Variants in ABL1 observed in about 807,000 individuals in gnomAD.
ABL1 encodes the protein ABL proto-oncogene 1, non-receptor tyrosine kinase.
ABL1 carries 11 observed loss-of-function variants against 94.7 expected under a neutral mutation model. The ratio of observed to expected loss-of-function variants is 0.12; its 90% CI spans 0.07 to 0.19. The LOEUF (loss-of-function observed/expected upper bound fraction) is 0.19. Among genes scored for constraint, ABL1 ranks in the 10% least tolerant of loss-of-function variants. The probability of loss-of-function intolerance (pLI) is 1.00; values close to 1 mark genes in which losing one functional copy is unlikely to be tolerated. For synonymous variants in ABL1, 656 were observed against 622.4 expected (o/e 1.05, Z -0.80); for missense variants, 1,082 against 1,489.4 (o/e 0.73, Z 4.50).
At chr9:130,789,053 G>C (rs938193961) in intron 1 of ABL1, among the ~76,000 whole-genome samples, 1 of 152,058 alleles carries the variant, frequency 6.6e-6, no homozygotes, top group Admixed American at 6.5e-5. Flanking sequence ...AAAGCAATCT[G>C]TGGGGAGACA....
chr9:130,812,914 ATTT>A (rs956373712), intron 1 of ABL1, among the ~76,000 whole-genome samples: 3 of 152,230 alleles, frequency 2.0e-5, no homozygotes, highest in African/African-American at 7.2e-5. Flanking sequence ...TTTCTGGGCC[ATTT>A]TAAAAGCCTC....
intron 1 of ABL1, among the ~76,000 whole-genome samples, chr9:130,743,841 G>C (rs951303828): frequency 1.3e-5 from 2 of 152,214 alleles, no homozygotes. Flanking sequence ...GGGAACAAGA[G>C]GGGTGAGCCA....
At chr9:130,776,889 G>A (rs1252877557) in intron 1 of ABL1, among the ~76,000 whole-genome samples, 1 of 152,080 alleles carries the variant, frequency 6.6e-6, no homozygotes, top group Non-Finnish European at 1.5e-5. Context: ...ACCATGCCTG[G>A]CCTCTTTACT....
intron 1 of ABL1, among the ~76,000 whole-genome samples, chr9:130,796,940 A>T (rs1372409050): frequency 7.1e-6 from 1 of 141,726 alleles, no homozygotes; most frequent in African/African-American, 2.7e-5. Flanking sequence ...AAAAAAAAAA[A>T]AGGCACTTTT....
chr9:130,858,240 C>T (rs1419998180), intron 3 of ABL1, among the ~76,000 whole-genome samples: 1 of 151,770 alleles, frequency 6.6e-6, no homozygotes, highest in Non-Finnish European at 1.5e-5. Context: ...TTCAAATGGG[C>T]AAGGAAAGGC....
At chr9:130,790,333 C>T (rs1369524058) in intron 1 of ABL1, among the ~76,000 whole-genome samples, 1 of 152,202 alleles carries the variant, frequency 6.6e-6, no homozygotes, top group Non-Finnish European at 1.5e-5. Flanking sequence ...CTGTGAGGGG[C>T]CTCATGCACA....
In ABL1 at chr9:130,871,532, T is replaced by A. The variant is rs34523074; in HGVS notation, c.823-597T>A. 6.9e-3 allele frequency among the ~76,000 whole-genome samples: 1,046 copies of A among 152,340 alleles called. 4 individuals are homozygous for A. The highest frequency in any genetic ancestry group is 0.01 in the Admixed American group (158 of 15,310). ...GAGGATTATTTTAGACTGTGAGTAA[T>A]TGACCTGACAGACAGTGATGACTGC... On this transcript the variant is annotated intron_variant, in intron 4 of 10. Transcript: ENST00000318560.
chr9:130,751,805 C>T (rs199896669), intron 1 of ABL1, among the ~76,000 whole-genome samples: 14 of 152,220 alleles, frequency 9.2e-5, no homozygotes, highest in East Asian at 5.8e-4. Context: ...CCCACAGCAA[C>T]GGCAGAAGCA....
intron 1 of ABL1, among the ~76,000 whole-genome samples, chr9:130,778,426 C>T (rs1042478615): frequency 1.3e-5 from 2 of 152,214 alleles, no homozygotes; most frequent in Non-Finnish European, 2.9e-5. Context: ...TCAGAGAAGA[C>T]CCCTCCTTGC....
intron 1 of ABL1, among the ~76,000 whole-genome samples, chr9:130,800,543 C>T (rs1454245467): frequency 6.6e-6 from 1 of 152,078 alleles, no homozygotes; most frequent in African/African-American, 2.4e-5. Context: ...TGGATTCCTT[C>T]CCTCAGCCTC....
chr9:130,759,240 A>G (rs1832080160), intron 1 of ABL1, among the ~76,000 whole-genome samples: 1 of 152,140 alleles, frequency 6.6e-6, no homozygotes, highest in Non-Finnish European at 1.5e-5. Flanking sequence ...AACTTCTTTT[A>G]TGGTTGTAAG....
chr9:130,881,769 G>T (rs1831457680), intron 10 of ABL1, among the ~76,000 whole-genome samples: 1 of 151,928 alleles, frequency 6.6e-6, no homozygotes, highest in Non-Finnish European at 1.5e-5. Context: ...CTGCAGACTG[G>T]GTACATGTGA....
At chr9:130,733,575 C>CTTTTTTTTT (rs35185474) in intron 1 of ABL1, among the ~76,000 whole-genome samples, 1 of 103,220 alleles carries the variant, frequency 9.7e-6, no homozygotes, top group Non-Finnish European at 1.8e-5. Flanking sequence ...CTGTAAAGCA[C>CTTTTTTTTT]TTTTTTTTTT....
chr9:130,869,867 C>G (rs996518278), intron 4 of ABL1, among the ~76,000 whole-genome samples: 5 of 152,184 alleles, frequency 3.3e-5, no homozygotes, highest in Admixed American at 2.0e-4. Context: ...CTCTGTCGCC[C>G]AGGCTGAAGT....
In ABL1 at chr9:130,879,378, T is replaced by C. The variant is rs376570460; in HGVS notation, c.1424-690T>C. Among the ~76,000 whole-genome samples, 13 of 152,352 alleles carry C rather than the reference T, an allele frequency of 8.5e-5. No homozygotes were observed. In the South Asian group the frequency reaches 2.1e-3, roughly 24 times the overall value. The stretch of plus-strand genomic sequence containing the variant: ...TTATTTATGTATAGCTGCCCAGTAC[T>C]CCATTTCACTCATTCATCCGGTCCT... On this transcript the variant is annotated intron_variant, in intron 8 of 10. Transcript: ENST00000318560.
rs1376540447 is a variant in ABL1, at chr9:130,884,369, G to A, written c.2079G>A (p.Leu693=). The change falls in exon 11 of 11, where the codon CTG becomes CTA. Residue 693 remains leucine, a synonymous_variant. Coordinates refer to ENST00000318560, the MANE Select transcript of ABL1 (RefSeq NM_005157.6). The surrounding 1 kb of genome is among the most constrained non-coding windows in gnomAD (Gnocchi z 5.6). The stretch of plus-strand genomic sequence containing the variant: ...ACCTGTGGAAGAAGTCCAGCACGCT[G>A]ACCAGCAGCCGCCTAGCCACCGGCG... ...SPHLWKKSST[L]TSSRLATGEE... 1.2e-6 allele frequency: 2 copies of A among 1,611,992 alleles called. No homozygotes were observed. The highest frequency in any genetic ancestry group is 8.5e-7 in the Non-Finnish European group (1 of 1,179,814).
At chr9:130,815,447 A>G (rs1223519814) in intron 1 of ABL1, among the ~76,000 whole-genome samples, 1 of 152,052 alleles carries the variant, frequency 6.6e-6, no homozygotes, top group Non-Finnish European at 1.5e-5. Context: ...CCCAGGGCCA[A>G]TAACTTTGGG....
chr9:130,833,050 A>T (rs1345737428), upstream of ABL1, among the ~76,000 whole-genome samples: 1 of 150,946 alleles, frequency 6.6e-6, no homozygotes, highest in Non-Finnish European at 1.5e-5. Flanking sequence ...TTAAGAGGAT[A>T]AGATCATTTT....
At chr9:130,737,777 A>G (rs976591558) in intron 1 of ABL1, among the ~76,000 whole-genome samples, 1 of 150,614 alleles carries the variant, frequency 6.6e-6, no homozygotes, top group Non-Finnish European at 1.5e-5. Flanking sequence ...GCTTGTGCCT[A>G]CTGTTTGCCC....
Sources: allele counts gnomAD v4.1 joint callset (sites outside exome capture counted in the v4.1 genomes callset), GRCh38; gene constraint gnomAD v4.1.1; non-coding constraint Gnocchi (gnomAD v3.1); transcripts MANE v1.5; gene names NCBI Gene and HGNC (gene_info 2026-07-23, HGNC 2026-07-21).